The following ARSG variants were observed in gnomAD, a reference collection of about 807,000 sequenced individuals.
ARSG encodes arylsulfatase G.
A neutral mutation model predicts 50.5 loss-of-function variants in ARSG; 37 were observed. The observed-to-expected ratio is 0.73, with a 90% CI of 0.56 to 0.96. The LOEUF is 0.96. Among genes scored for constraint, ARSG ranks in the 50% least tolerant of loss-of-function variants. ARSG has a pLI of 0.00. For missense variants in ARSG, 629 were observed against 675.3 expected, an observed-to-expected ratio of 0.93 and a Z score of 0.76; for synonymous variants, 225 against 254.6, an observed-to-expected ratio of 0.88 and a Z score of 1.11.
At chr17:68,386,305 G>T (rs1004411241) in intron 9 of ARSG, among the ~76,000 whole-genome samples, 1 of 152,206 alleles carries the variant, frequency 6.6e-6, no homozygotes, top group South Asian at 2.1e-4. Flanking sequence ...GCTGGTTAAA[G>T]ACCGATTTCC....
intron 9 of ARSG, among the ~76,000 whole-genome samples, chr17:68,389,431 G>A (rs2080888239): frequency 6.6e-6 from 1 of 152,074 alleles, no homozygotes; most frequent in Admixed American, 6.6e-5. Context: ...GCATAGGCTT[G>A]CCCCTCATGT....
At chr17:68,403,198 T>A (rs1001255108) in intron 11 of ARSG, among the ~76,000 whole-genome samples, 5 of 152,200 alleles carry the variant, frequency 3.3e-5, no homozygotes, top group African/African-American at 1.2e-4. Flanking sequence ...AGTTTCTAGA[T>A]TAGAGTCCTT....
In ARSG at chr17:68,343,923, A is replaced by G. The variant is rs1448073119; in HGVS notation, c.406+132A>G. The G allele has an allele frequency of 3.0e-5, 28 of 931,108 alleles. No homozygotes were observed. In the East Asian group the frequency reaches 4.6e-4, roughly 15 times the overall value. 57.7% of individuals were successfully genotyped at this position (931,108 alleles called of 1,614,324 possible). On this transcript the variant is annotated intron_variant, in intron 3 of 11. Transcript: ENST00000621439. ...GTGTGAGTTAGGGATGCTCTCAGCTATAAGGAACTGAAAAGACCTAACAGT... is the reference window on the plus strand; with the variant it reads ...GTGTGAGTTAGGGATGCTCTCAGCTGTAAGGAACTGAAAAGACCTAACAGT...
intron 6 of ARSG, among the ~76,000 whole-genome samples, chr17:68,357,990 G>GT (rs1342900279): frequency 6.6e-6 from 1 of 151,044 alleles, no homozygotes; most frequent in Non-Finnish European, 1.5e-5. Context: ...GATTGTTTGA[G>GT]TCTAGGAGTT....
intron 1 of ARSG, among the ~76,000 whole-genome samples, chr17:68,304,541 C>T (rs1249817045): frequency 6.6e-6 from 1 of 152,170 alleles, no homozygotes; most frequent in Non-Finnish European, 1.5e-5. Flanking sequence ...CACCCCCATC[C>T]ATGTGGATTG....
At chr17:68,421,776 T>C (rs745337837), downstream of ARSG, 2 of 1,614,256 alleles carry the variant, frequency 1.2e-6, no homozygotes, top group East Asian at 2.2e-5. Context: ...CTTCTCATCA[T>C]GACTGCTTCG....
chr17:68,334,382 C>T (rs1009076665), intron 2 of ARSG, among the ~76,000 whole-genome samples: 3 of 152,120 alleles, frequency 2.0e-5, no homozygotes, highest in Non-Finnish European at 4.4e-5. Flanking sequence ...AGTGGCGTCA[C>T]CCAATCAGCA....
chr17:68,448,218 G>A, the ARSG span: 4 of 152,216 alleles, frequency 2.6e-5, no homozygotes, highest in African/African-American at 7.2e-5. Context: ...TGGCAAGAGA[G>A]GCTGCAGCAG....
At chr17:68,306,889 A>G (rs1196667967) in intron 1 of ARSG, 54 bp from the exon 2 acceptor site, 1 of 152,294 alleles carries the variant, frequency 6.6e-6, no homozygotes, top group African/African-American at 2.4e-5. Flanking sequence ...TGAGTAAAAC[A>G]CAGCTGCACT....
downstream of ARSG, chr17:68,427,016 G>T (rs144724567): frequency 1.5e-4 from 123 of 802,974 alleles, 1 homozygote; most frequent in Non-Finnish European, 2.0e-6. Flanking sequence ...AGGGGGAAGG[G>T]GAGGGAGGGC....
chr17:68,427,444 C>T (rs1186233936), downstream of ARSG: 12 of 414,442 alleles, frequency 2.9e-5, no homozygotes, highest in Non-Finnish European at 5.2e-5. Flanking sequence ...GCAACCTCCG[C>T]CTCCTGGGTT....
chr17:68,430,126 T>C, the ARSG span: 2 of 1,614,044 alleles, frequency 1.2e-6, no homozygotes, highest in Non-Finnish European at 1.7e-6. Context: ...ATCTTTCCCA[T>C]GTAGCCACTC....
At chr17:68,356,590 T>C in intron 5 of ARSG, 77 bp from the exon 6 acceptor site, 1 of 1,527,106 alleles carries the variant, frequency 6.5e-7, no homozygotes. Context: ...GCATATGCAT[T>C]GTTGCATTAA....
the ARSG span, among the ~76,000 whole-genome samples, chr17:68,450,245 A>G: frequency 6.6e-6 from 1 of 152,198 alleles, no homozygotes; most frequent in African/African-American, 2.4e-5. Flanking sequence ...CTTCCAGGAG[A>G]GCTGAGGACG....
downstream of ARSG, chr17:68,421,426 G>A (rs1009841641): frequency 2.6e-4 from 72 of 274,882 alleles, no homozygotes; most frequent in Non-Finnish European, 4.3e-4. Flanking sequence ...AATTCAAAGA[G>A]ATGTTCCTAT....
chr17:68,419,833 C>G (rs1357633714), intron 11 of ARSG, among the ~76,000 whole-genome samples: 2 of 151,666 alleles, frequency 1.3e-5, no homozygotes, highest in Non-Finnish European at 2.9e-5. Flanking sequence ...TGGTGCATGC[C>G]TGTAGCCCCA....
exon 1 of ARSG, chr17:68,259,221 C>G (rs573243587): frequency 6.6e-6 from 1 of 152,254 alleles, no homozygotes; most frequent in African/African-American, 2.4e-5. Flanking sequence ...CTGCGAACCG[C>G]CGGCGCACCA....
chr17:68,307,519 T>C lies in ARSG; in HGVS notation c.26T>C (p.Leu9Ser). The C allele has an allele frequency of 2.5e-6, 4 of 1,614,112 alleles. No homozygotes were observed. The highest frequency in any genetic ancestry group is 2.5e-6 in the Non-Finnish European group (3 of 1,179,956). ...ATGGGCTGGCTTTTTCTAAAGGTTT[T>C]GTTGGCGGGAGTGAGTTTCTCAGGA... MGWLFLKV[L>S]LAGVSFSGFL... The change falls in exon 2 of 12, where the codon TTG becomes TCG. Residue 9 changes from leucine (L) to serine (S), a missense_variant. By Grantham distance (145) the Leu-to-Ser change is moderately radical (BLOSUM62 -2). Coordinates refer to ENST00000621439, the MANE Select transcript of ARSG (RefSeq NM_001267727.2).
intron 2 of ARSG, among the ~76,000 whole-genome samples, chr17:68,332,111 C>T (rs748099658): frequency 5.9e-5 from 9 of 152,154 alleles, no homozygotes; most frequent in East Asian, 1.9e-4. Flanking sequence ...TACGGGCGAC[C>T]GGGGATTATT....
Sources: allele counts gnomAD v4.1 joint callset (sites outside exome capture counted in the v4.1 genomes callset), GRCh38; gene constraint gnomAD v4.1.1; transcripts MANE v1.5; gene names NCBI Gene and HGNC (gene_info 2026-07-23, HGNC 2026-07-21).